GTPBP1: variants seen among roughly 807,000 people sequenced by gnomAD.
GTPBP1 encodes GTP binding protein 1, also known as GTP-binding protein 1.
Under a neutral mutation model 62.0 loss-of-function variants are expected in GTPBP1, and 23 were observed. The observed-to-expected ratio is 0.37, with a 90% CI of 0.27 to 0.53. The LOEUF (loss-of-function observed/expected upper bound fraction) is 0.53, where lower values mean the gene tolerates loss of function less well. GTPBP1 is among the 20% of genes least tolerant of loss of function. The pLI, the probability that GTPBP1 is intolerant of heterozygous loss-of-function variation, is 0.89. For synonymous variants in GTPBP1, 344 were observed against 364.4 expected, an observed-to-expected ratio of 0.94 and a Z score of 0.64; for missense variants, 640 against 917.3, an observed-to-expected ratio of 0.70 and a Z score of 3.90.
chr22:38,707,279 A>G (rs1248485563), intron 1 of GTPBP1, among the ~76,000 whole-genome samples: 2 of 152,246 alleles, frequency 1.3e-5, no homozygotes, highest in Non-Finnish European at 2.9e-5. Flanking sequence ...TAGACATTTT[A>G]TCCAGCTTTG....
At chr22:38,742,149 A>G (rs1200196259), downstream of GTPBP1, 2 of 400,098 alleles carry the variant, frequency 5.0e-6, no homozygotes, top group South Asian at 6.1e-5. Context: ...TCTCAAAAAG[A>G]AAAAAAAAAA....
downstream of GTPBP1, chr22:38,739,557 G>A: frequency 7.7e-7 from 1 of 1,300,772 alleles, no homozygotes; most frequent in East Asian, 2.5e-5. This position sits in a 1 kb window ranked among gnomAD's most constrained non-coding sequence, Gnocchi z 6.7. Context: ...CCAGGCAGAT[G>A]TGGGCACACT....
chr22:38,711,878 A>G lies in GTPBP1; in HGVS notation c.304+2922A>G, dbSNP rs145674957. Among the ~76,000 whole-genome samples the G allele has an allele frequency of 4.4e-4, 67 of 152,148 alleles. 1 individual carries two copies. Among genetic ancestry groups the G allele is most frequent in the African/African-American group, 1.6e-3 (65 of 41,502 alleles). On this transcript the variant is annotated intron_variant, in intron 2 of 11. Coordinates refer to ENST00000216044, the MANE Select transcript of GTPBP1 (RefSeq NM_004286.5). ...ACATAGGAGGAGTATTAAGTATTTTAAAATTATTATTATTATTTTTGAGAC... is the reference window on the plus strand; with the variant it reads ...ACATAGGAGGAGTATTAAGTATTTTGAAATTATTATTATTATTTTTGAGAC...
rs1371265728 is a variant in GTPBP1, at chr22:38,728,101, C to T, written c.1656C>T (p.His552=). 9.3e-6 allele frequency: 15 copies of T among 1,613,474 alleles called. No homozygotes were observed. The South Asian group carries it at 1.1e-4, about 12-fold the overall frequency. The change falls in exon 10 of 12, where the codon CAC becomes CAT. Residue 552 remains histidine, a synonymous_variant. Coordinates refer to ENST00000216044, the MANE Select transcript of GTPBP1 (RefSeq NM_004286.5). ...TCATCAAGACCCCTGAGTACCTGCA[C>T]ATAGACCAGCGGCTGGTGTTCCGGG... ...FRFIKTPEYL[H]IDQRLVFREG...
downstream of GTPBP1, among the ~76,000 whole-genome samples, chr22:38,737,444 G>T (rs2092816135): frequency 6.6e-6 from 1 of 152,092 alleles, no homozygotes; most frequent in South Asian, 2.1e-4. This position sits in a 1 kb window ranked among gnomAD's most constrained non-coding sequence, Gnocchi z 4.1. Context: ...ACCACTTCCT[G>T]ACGGGTCTCC....
Position 38,716,654 on chromosome 22 carries a change from T to C in GTPBP1, c.488T>C (p.Val163Ala). The C allele has an allele frequency of 6.2e-7, 1 of 1,609,948 alleles. No individual in the cohort carries two copies. Among genetic ancestry groups the C allele is most frequent in the Non-Finnish European group, 8.5e-7 (1 of 1,177,232 alleles). Residue 163 changes from valine to alanine, a missense_variant and splice_region_variant, in exon 4 of 12, where the codon GTA becomes GCA. Val to Ala is a moderately conservative substitution (Grantham distance 64). Coordinates refer to ENST00000216044, the MANE Select transcript of GTPBP1 (RefSeq NM_004286.5). This position sits in a 1 kb window ranked among gnomAD's most constrained non-coding sequence, Gnocchi z 5.2. ...TGTATGGGTTCATCTACACGCAGGGTAGCAGTGGTGGGCAACGTGGATGCT... is the reference window on the plus strand; with the variant it reads ...TGTATGGGTTCATCTACACGCAGGGCAGCAGTGGTGGGCAACGTGGATGCT... ...VGDNDFLEVR[V>A]AVVGNVDAGK...
chr22:38,735,231 C>T (rs569874651), downstream of GTPBP1: 1 of 456,080 alleles, frequency 2.2e-6, no homozygotes. Flanking sequence ...AGAGAACAAA[C>T]CAGAAGGGCG....
downstream of GTPBP1, chr22:38,742,561 A>G (rs755485830): frequency 2.5e-6 from 4 of 1,603,276 alleles, 1 homozygote; most frequent in South Asian, 4.4e-5. Context: ...TCAGCCTGGA[A>G]GGGCAGAGAG....
downstream of GTPBP1, chr22:38,738,179 G>T (rs539775471): frequency 1.2e-6 from 2 of 1,613,862 alleles, no homozygotes; most frequent in Middle Eastern, 1.6e-4. The surrounding 1 kb of genome is among the most constrained non-coding windows in gnomAD (Gnocchi z 6.6). Context: ...GTACCTGAAA[G>T]TGAAACGTCT....
chr22:38,738,856 G>T (rs749003532), downstream of GTPBP1: 12 of 1,598,534 alleles, frequency 7.5e-6, no homozygotes, highest in Non-Finnish European at 1.0e-5. This position sits in a 1 kb window ranked among gnomAD's most constrained non-coding sequence, Gnocchi z 6.6. Context: ...CCGCTGCTGT[G>T]CTTGCCAGGT....
rs756523233 is a variant in GTPBP1, at chr22:38,716,919, C to T, written c.753C>T (p.Ile251=). 6.8e-6 allele frequency: 11 copies of T among 1,614,022 alleles called. No individual in the cohort carries two copies. Among genetic ancestry groups the T allele is most frequent in the African/African-American group, 4.0e-5 (3 of 75,060 alleles). The change falls in exon 4 of 12, where the codon ATC becomes ATT. Residue 251 remains isoleucine (I), a synonymous_variant. Coordinates refer to ENST00000216044, the MANE Select transcript of GTPBP1 (RefSeq NM_004286.5). The surrounding 1 kb of genome is among the most constrained non-coding windows in gnomAD (Gnocchi z 5.2). Reference sequence around the variant, plus strand: ...AGTCCACGAAAGTCATTACCTTCATCGACTTGGCTGGTCATGAGAAGTACC... The same window carrying T: ...AGTCCACGAAAGTCATTACCTTCATTGACTTGGCTGGTCATGAGAAGTACC... ...CEKSTKVITF[I]DLAGHEKYLK... is the part of the protein sequence containing the mutation.
chr22:38,718,147 T>C (rs981385807), intron 4 of GTPBP1, among the ~76,000 whole-genome samples: 1 of 152,106 alleles, frequency 6.6e-6, no homozygotes, highest in Admixed American at 6.5e-5. Flanking sequence ...TCCTTCAATG[T>C]TGCAAAGGGC....
At chr22:38,740,986 C>T, downstream of GTPBP1, 1 of 1,583,436 alleles carries the variant, frequency 6.3e-7, no homozygotes, top group Non-Finnish European at 8.6e-7. The surrounding 1 kb of genome is among the most constrained non-coding windows in gnomAD (Gnocchi z 4.8). Flanking sequence ...CAGGCCGAGG[C>T]CAGCTGGTGG....
chr22:38,734,521 C>T (rs1345192251), downstream of GTPBP1: 1 of 317,872 alleles, frequency 3.1e-6, no homozygotes, highest in Non-Finnish European at 6.5e-6. Flanking sequence ...ACTGCTTCCT[C>T]ATGCCAGCCC....
At chr22:38,708,364 C>A (rs1445408159) in intron 1 of GTPBP1, among the ~76,000 whole-genome samples, 1 of 152,126 alleles carries the variant, frequency 6.6e-6, no homozygotes, top group Non-Finnish European at 1.5e-5. Context: ...CCCAAATATT[C>A]AATATAGCTA....
chr22:38,725,871 G>T (rs1341390575), intron 6 of GTPBP1, 135 bp from the exon 7 acceptor site: 5 of 803,060 alleles, frequency 6.2e-6, no homozygotes, highest in Non-Finnish European at 6.2e-6. Flanking sequence ...TTGGAGGCAG[G>T]TGAGGGAGAG....
At chr22:38,736,640 G>C (rs1047238680), downstream of GTPBP1, 4 of 325,012 alleles carry the variant, frequency 1.2e-5, no homozygotes, top group South Asian at 1.2e-4. Flanking sequence ...TTTTTATTGT[G>C]ATCAACAGAT....
chr22:38,727,932 T>G lies in GTPBP1; in HGVS notation c.1538-51T>G, dbSNP rs1486368297. On this transcript the variant is annotated intron_variant, in intron 9 of 11. Coordinates refer to ENST00000216044, the MANE Select transcript of GTPBP1 (RefSeq NM_004286.5). The surrounding 1 kb of genome is among the most constrained non-coding windows in gnomAD (Gnocchi z 6.5). ...TTTCACTCACTGCCTCCCGTTGTCCTGAAGCCACCAGGTGGCTCCAGCCTA... is the reference window on the plus strand; with the variant it reads ...TTTCACTCACTGCCTCCCGTTGTCCGGAAGCCACCAGGTGGCTCCAGCCTA... 1 of 1,407,000 alleles carries G rather than the reference T, an allele frequency of 7.1e-7. No individual in the cohort carries two copies. Among genetic ancestry groups the G allele is most frequent in the Admixed American group, 1.7e-5 (1 of 59,260 alleles). The allele number at this position is 1,407,000 out of a possible 1,614,324, so 87.2% of individuals were successfully genotyped here. A position where few individuals can be genotyped will look rare whatever the true frequency, so the allele number is the denominator to read the frequency against.
intron 1 of GTPBP1, among the ~76,000 whole-genome samples, chr22:38,707,454 G>T (rs553432408): frequency 4.6e-5 from 7 of 152,340 alleles, no homozygotes; most frequent in Non-Finnish European, 1.0e-4. Flanking sequence ...GTCAAAGTTG[G>T]TCCTGTCTTG....
Sources: allele counts gnomAD v4.1 joint callset (sites outside exome capture counted in the v4.1 genomes callset), GRCh38; gene constraint gnomAD v4.1.1; non-coding constraint Gnocchi (gnomAD v3.1); transcripts MANE v1.5; gene names NCBI Gene and HGNC (gene_info 2026-07-23, HGNC 2026-07-21).